SKI: variants seen among roughly 807,000 people sequenced by gnomAD.
The protein encoded by SKI is SKI proto-oncogene, also known as ski oncogene.
SKI carries 23 observed loss-of-function variants against 59.3 expected under a neutral mutation model. That is an observed-to-expected ratio of 0.39 (90% CI 0.28 to 0.55). The LOEUF (loss-of-function observed/expected upper bound fraction) is 0.55, where lower values mean the gene tolerates loss of function less well. SKI is among the 20% of genes least tolerant of loss of function. The pLI, the probability that SKI is intolerant of heterozygous loss-of-function variation, is 0.67. For synonymous variants in SKI, 673 were observed against 488.6 expected, an observed-to-expected ratio of 1.38 and a Z score of -4.98; for missense variants, 1,017 against 1,038.9, an observed-to-expected ratio of 0.98 and a Z score of 0.29.
rs949255629 is a variant in SKI at position 2,229,520 on chromosome 1, C to T, written c.754C>T (p.Leu252Phe). 3 of 1,611,180 alleles carry T rather than the reference C, an allele frequency of 1.9e-6. No homozygotes were observed. Among genetic ancestry groups the T allele is most frequent in the African/African-American group, 2.7e-5 (2 of 74,934 alleles). Residue 252 changes from leucine (L) to phenylalanine (F), a missense_variant, in exon 1 of 7, where the codon CTC becomes TTC. By Grantham distance (22) the Leu-to-Phe change is conservative (BLOSUM62 0). Coordinates refer to ENST00000378536, the MANE Select transcript of SKI (RefSeq NM_003036.4). The surrounding 1 kb of genome is among the most constrained non-coding windows in gnomAD (Gnocchi z 6.3). ...CTGCATCCAGTGCCTGGACTGCCGC[C>T]TCATGTACCCGCCGCACAAGTTCGT... ...AACIQCLDCR[L>F]MYPPHKFVVH...
At position 2,250,273 on chromosome 1, in the gene SKI, C is replaced by T. The variant is rs546698307; in HGVS notation, c.969+20538C>T. Among the ~76,000 whole-genome samples, 197 of 152,316 alleles carry T rather than the reference C, an allele frequency of 1.3e-3. 2 individuals carry two copies. The highest frequency in any genetic ancestry group is 4.6e-3 in the African/African-American group (192 of 41,558). On this transcript the variant is annotated intron_variant, in intron 1 of 6. Transcript: ENST00000378536. ...TAAGGGTGCTCATTGCCCTGCTCAACAGAGAGTCCCGTGTGGTGCTGGGTA... is the reference window on the plus strand; with the variant it reads ...TAAGGGTGCTCATTGCCCTGCTCAATAGAGAGTCCCGTGTGGTGCTGGGTA...
rs913335720 is a variant in SKI, at chr1:2,307,955, C to CT, written c.*1195dup. 6.6e-6 allele frequency: 1 copy of CT among 152,478 alleles called. No individual in the cohort carries two copies. The highest frequency in any genetic ancestry group is 2.4e-5 in the African/African-American group (1 of 41,408). The allele number at this position is 152,478 out of a possible 1,614,324, so 9.4% of individuals were successfully genotyped here. A position where few individuals can be genotyped will look rare whatever the true frequency, so the allele number is the denominator to read the frequency against. On this transcript the variant is annotated 3_prime_UTR_variant, in exon 7 of 7. Coordinates refer to ENST00000378536, the MANE Select transcript of SKI (RefSeq NM_003036.4). ...TTGTACAGCAAATCCTGACTCGTGT[C>CT]TTTTTACCCCCAAGATATCTGTCTT...
chr1:2,238,217 C>T lies in SKI; in HGVS notation c.969+8482C>T, dbSNP rs74869699. Among the ~76,000 whole-genome samples the T allele has an allele frequency of 3.4e-3, 517 of 152,344 alleles. 2 individuals carry two copies. Among genetic ancestry groups the T allele is most frequent in the African/African-American group, 0.012 (496 of 41,586 alleles). ...CCTTCCTTAGGAAGCAGTTTGTCCC[C>T]GTGCCTCCCTTCAGGATCCTGTGGC... is the stretch of plus-strand genomic sequence containing the variant. On this transcript the variant is annotated intron_variant, in intron 1 of 6. Coordinates refer to ENST00000378536, the MANE Select transcript of SKI (RefSeq NM_003036.4).
At chr1:2,233,237 G>T (rs1194873564) in intron 1 of SKI, among the ~76,000 whole-genome samples, 5 of 147,532 alleles carry the variant, frequency 3.4e-5, no homozygotes, top group African/African-American at 5.0e-5. Flanking sequence ...GGGCTGGTGG[G>T]GGGGGTCCTG....
At chr1:2,296,742 CTTG>C (rs201564304) in intron 1 of SKI, among the ~76,000 whole-genome samples, 3,490 of 152,124 alleles carry the variant, frequency 0.023, 69 homozygotes, top group Non-Finnish European at 0.038. Flanking sequence ...TCTGGGAAGC[CTTG>C]TTGTTGTGTT....
intron 1 of SKI, among the ~76,000 whole-genome samples, chr1:2,302,147 GCCT>G (rs1166906994): frequency 3.9e-5 from 6 of 152,302 alleles, no homozygotes; most frequent in Non-Finnish European, 7.4e-5. Context: ...TGGGGGATGT[GCCT>G]CAGCACCTGA....
Position 2,228,952 on chromosome 1 carries a change from G to A in SKI, c.186G>A (p.Ala62=). Residue 62 remains alanine, a synonymous_variant, in exon 1 of 7, where the codon GCG becomes GCA. Transcript: ENST00000378536. Reference sequence around the variant, plus strand: ...AGGCGGGCGCGGCCGCGGTGCCGGCGCCGGTGCCCGCAGCCACCGAGCCGC... The same window carrying A: ...AGGCGGGCGCGGCCGCGGTGCCGGCACCGGTGCCCGCAGCCACCGAGCCGC... ...AKEAGAAAVP[A]PVPAATEPPP... is the part of the protein sequence containing the mutation. 7.1e-7 allele frequency: 1 copy of A among 1,399,760 alleles called. No homozygotes were observed. Among genetic ancestry groups the A allele is most frequent in the South Asian group, 1.5e-5 (1 of 68,084 alleles). 86.7% of individuals were successfully genotyped at this position (1,399,760 alleles called of 1,614,324 possible).
intron 1 of SKI, among the ~76,000 whole-genome samples, chr1:2,282,805 C>T (rs2100877031): frequency 6.6e-6 from 1 of 152,292 alleles, no homozygotes; most frequent in East Asian, 1.9e-4. Context: ...CCTTGGCGCC[C>T]AGCACATGCT....
At position 2,268,118 on chromosome 1, in the gene SKI, G is replaced by A. The variant is rs533453804; in HGVS notation, c.970-34860G>A. Among the ~76,000 whole-genome samples the A allele has an allele frequency of 6.6e-6, 1 of 152,344 alleles. No individual in the cohort carries two copies. The highest frequency in any genetic ancestry group is 1.5e-5 in the Non-Finnish European group (1 of 68,008). ...CCCTGTGGTCAGATGCATGGCGCCC[G>A]CAGCCCTGGCCCAGGTGCCCCCTGG... On this transcript the variant is annotated intron_variant, in intron 1 of 6. Coordinates refer to ENST00000378536, the MANE Select transcript of SKI (RefSeq NM_003036.4). This position sits in a 1 kb window ranked among gnomAD's most constrained non-coding sequence, Gnocchi z 5.0.
intron 1 of SKI, among the ~76,000 whole-genome samples, chr1:2,230,943 G>C (rs566600119): frequency 1.3e-5 from 2 of 152,280 alleles, no homozygotes; most frequent in African/African-American, 2.4e-5. Flanking sequence ...CCTCTGCTCG[G>C]AGGGGGCTGC....
In SKI at chr1:2,287,219, G is replaced by A. The variant is rs549253205; in HGVS notation, c.970-15759G>A. Among the ~76,000 whole-genome samples the A allele has an allele frequency of 2.0e-5, 3 of 152,248 alleles. No homozygotes were observed. The East Asian group carries it at 5.8e-4, about 29-fold the overall frequency. On this transcript the variant is annotated intron_variant, in intron 1 of 6. Coordinates refer to ENST00000378536, the MANE Select transcript of SKI (RefSeq NM_003036.4). ...CGGGGCTCCAGGGCGCCTGGAGACTGCCATTTTGTGTGGGAAGGTGGAGGC... is the reference window on the plus strand; with the variant it reads ...CGGGGCTCCAGGGCGCCTGGAGACTACCATTTTGTGTGGGAAGGTGGAGGC...
Position 2,270,505 on chromosome 1 carries a change from C to T in SKI, c.970-32473C>T, listed in dbSNP as rs1216577279. On this transcript the variant is annotated intron_variant, in intron 1 of 6. Transcript: ENST00000378536. This position sits in a 1 kb window ranked among gnomAD's most constrained non-coding sequence, Gnocchi z 4.1. Reference sequence around the variant, plus strand: ...CAGGGTAATGGGAGGCCTGTGGTTCCTGGGCTGCCATCTGGCGATTGTAAA... The same window carrying T: ...CAGGGTAATGGGAGGCCTGTGGTTCTTGGGCTGCCATCTGGCGATTGTAAA... 1.3e-5 allele frequency among the ~76,000 whole-genome samples: 2 copies of T among 152,208 alleles called. No homozygotes were observed. The highest frequency in any genetic ancestry group is 1.5e-5 in the Non-Finnish European group (1 of 68,024).
At chr1:2,257,457 C>A (rs967995743) in intron 1 of SKI, among the ~76,000 whole-genome samples, 2 of 152,246 alleles carry the variant, frequency 1.3e-5, no homozygotes, top group Non-Finnish European at 2.9e-5. Flanking sequence ...TGCCAGAGCG[C>A]GTCGGCGTGG....
At chr1:2,265,199 G>A (rs1271166138) in intron 1 of SKI, among the ~76,000 whole-genome samples, 2 of 152,198 alleles carry the variant, frequency 1.3e-5, no homozygotes, top group African/African-American at 2.4e-5. Context: ...TTTGGAGTAC[G>A]TTGTGTAGTT....
rs1639546913 is a variant in SKI at position 2,268,508 on chromosome 1, G to A, written c.970-34470G>A. ...CTTGGGGTATGTCTGGGTGCATGGG[G>A]ACTCCTCTGGCCTCCCCAGCGGTGC... is the stretch of plus-strand genomic sequence containing the variant. On this transcript the variant is annotated intron_variant, in intron 1 of 6. Transcript: ENST00000378536. The surrounding 1 kb of genome is among the most constrained non-coding windows in gnomAD (Gnocchi z 5.0). 6.6e-6 allele frequency among the ~76,000 whole-genome samples: 1 copy of A among 152,190 alleles called. No individual in the cohort carries two copies. Among genetic ancestry groups the A allele is most frequent in the Non-Finnish European group, 1.5e-5 (1 of 68,032 alleles).
chr1:2,306,459 C>T (rs1569867182), intron 6 of SKI, 118 bp from the exon 7 acceptor site: 1 of 1,138,862 alleles, frequency 8.8e-7, no homozygotes, highest in Non-Finnish European at 1.2e-6. Flanking sequence ...GGAGGAGGGG[C>T]CGGCACGCGG....
At chr1:2,305,860 G>T (rs796230950) in intron 5 of SKI, among the ~76,000 whole-genome samples, 160 bp from the exon 6 acceptor site, 10 of 152,302 alleles carry the variant, frequency 6.6e-5, no homozygotes, top group African/African-American at 2.4e-4. Flanking sequence ...TTGTGGGGTC[G>T]GGGCACCACA....
intron 1 of SKI, among the ~76,000 whole-genome samples, chr1:2,249,618 G>GA: frequency 6.6e-6 from 1 of 152,322 alleles, no homozygotes; most frequent in East Asian, 1.9e-4. Flanking sequence ...AGAGATGCTT[G>GA]ACTCCCCACC....
intron 1 of SKI, among the ~76,000 whole-genome samples, chr1:2,241,720 C>A (rs1030182075): frequency 6.6e-6 from 1 of 152,182 alleles, no homozygotes; most frequent in Non-Finnish European, 1.5e-5. Flanking sequence ...AAGCAAATCC[C>A]AGGCATCATC....
Sources: gnomAD v4.1 joint callset for allele counts (sites outside exome capture counted in the v4.1 genomes callset) on GRCh38, gnomAD v4.1.1 for gene constraint, Gnocchi (gnomAD v3.1) non-coding constraint, MANE v1.5 for transcripts, NCBI Gene and HGNC (gene_info 2026-07-23, HGNC 2026-07-21) for gene names.